Variants in ODF2 observed in about 807,000 individuals in gnomAD.
ODF2 encodes outer dense fiber of sperm tails 2.
ODF2 carries 47 observed loss-of-function variants against 110.2 expected under a neutral mutation model. That is an observed-to-expected ratio of 0.43 (90% CI 0.34 to 0.54). ODF2 has a LOEUF of 0.54. Among genes scored for constraint, ODF2 ranks in the 20% least tolerant of loss-of-function variants. ODF2 has a pLI of 0.03. For synonymous variants in ODF2, 352 were observed against 397.7 expected, an observed-to-expected ratio of 0.89 and a Z score of 1.37; for missense variants, 812 against 1,054.5, an observed-to-expected ratio of 0.77 and a Z score of 3.19.
chr9:128,486,312 T>A (rs1463399369), intron 13 of ODF2, among the ~76,000 whole-genome samples: 3 of 152,192 alleles, frequency 2.0e-5, no homozygotes, highest in Non-Finnish European at 4.4e-5. Flanking sequence ...GCTGCTGTCC[T>A]TAGGGAGTTC....
chr9:128,463,178 C>G (rs1836946461), intron 4 of ODF2, among the ~76,000 whole-genome samples: 1 of 152,198 alleles, frequency 6.6e-6, no homozygotes, highest in Non-Finnish European at 1.5e-5. Context: ...GGGAGGATCA[C>G]TTGAGCCAGG....
intron 14 of ODF2, 25 bp from the exon 15 acceptor site, chr9:128,492,401 G>T (rs1352073528): frequency 6.6e-7 from 1 of 1,523,624 alleles, no homozygotes; most frequent in Non-Finnish European, 9.1e-7. Flanking sequence ...CTTCCTGTGG[G>T]TTACTCATGA....
intron 4 of ODF2, among the ~76,000 whole-genome samples, chr9:128,464,466 T>C (rs1176080911): frequency 6.6e-6 from 1 of 151,902 alleles, no homozygotes; most frequent in African/African-American, 2.4e-5. Context: ...AAAATGCCTT[T>C]TAAAAAAATA....
At chr9:128,487,982 C>G in exon 14 of ODF2, 1 of 1,614,098 alleles carries the variant, frequency 6.2e-7, no homozygotes, top group Non-Finnish European at 8.5e-7. Flanking sequence ...CACCGTCAGA[C>G]TGCTGAGTAT....
chr9:128,464,139 C>G (rs542280627), intron 4 of ODF2, among the ~76,000 whole-genome samples: 20 of 149,140 alleles, frequency 1.3e-4, no homozygotes, highest in South Asian at 4.3e-4. Context: ...GCCACCACCA[C>G]GCACAGCCAA....
At chr9:128,459,210 C>T (rs760418954) in intron 2 of ODF2, among the ~76,000 whole-genome samples, 1 of 152,250 alleles carries the variant, frequency 6.6e-6, no homozygotes, top group Non-Finnish European at 1.5e-5. Context: ...GCTCCAGGCA[C>T]TGTCCTGGGT....
intron 3 of ODF2, chr9:128,460,590 A>G: frequency 6.2e-7 from 1 of 1,613,692 alleles, no homozygotes; most frequent in Non-Finnish European, 8.5e-7. Flanking sequence ...CCCCCCTTAC[A>G]TGTTCACGTG....
At chr9:128,483,255 C>A (rs1178940372) in intron 10 of ODF2, among the ~76,000 whole-genome samples, 1 of 151,980 alleles carries the variant, frequency 6.6e-6, no homozygotes, top group African/African-American at 2.4e-5. Context: ...GGGTTCAAAT[C>A]CTGTCTTTGG....
intron 1 of ODF2, chr9:128,456,654 C>G (rs1834882443): frequency 1.4e-6 from 2 of 1,475,954 alleles, no homozygotes; most frequent in African/African-American, 2.9e-5. Flanking sequence ...GCCCCGACCG[C>G]CTCGTCCTCT....
In ODF2 at chr9:128,485,551, C is replaced by A; in HGVS notation, c.1400+77C>A. ...TGCAGGTGGGAGGGGCCTAGTGGCTCAGGGAAGGCCACGTGGCTGCTGTTT... is the reference window on the plus strand; with the variant it reads ...TGCAGGTGGGAGGGGCCTAGTGGCTAAGGGAAGGCCACGTGGCTGCTGTTT... On this transcript the variant is annotated intron_variant, in intron 13 of 20. Transcript: ENST00000604420. This position sits in a 1 kb window ranked among gnomAD's most constrained non-coding sequence, Gnocchi z 5.0. 1.3e-6 allele frequency: 1 copy of A among 761,128 alleles called. No homozygotes were observed. Among genetic ancestry groups the A allele is most frequent in the Admixed American group, 2.1e-5 (1 of 46,890 alleles). The allele number at this position is 761,128 out of a possible 1,614,324, so 47.1% of individuals were successfully genotyped here.
chr9:128,457,413 C>T lies in ODF2; in HGVS notation c.8C>T (p.Ala3Val), dbSNP rs753552176. 3.1e-6 allele frequency: 5 copies of T among 1,612,894 alleles called. No individual in the cohort carries two copies. In the East Asian group the frequency reaches 6.7e-5, roughly 22 times the overall value. ...CGGCTTTGATGCCTAGCCATGTCTG[C>T]CTCATCCTCAGGCGGCTCCCCCAGG... The change falls in exon 2 of 21, where the codon GCC (alanine) becomes GTC (valine). Residue 3 changes from alanine to valine, a missense_variant. Ala to Val is a moderately conservative substitution (Grantham distance 64). Transcript: ENST00000604420.
At chr9:128,468,805 A>G (rs949423468) in intron 4 of ODF2, among the ~76,000 whole-genome samples, 4 of 152,288 alleles carry the variant, frequency 2.6e-5, no homozygotes, top group African/African-American at 9.6e-5. Flanking sequence ...TGCAGATGTG[A>G]GCCACCATGC....
intron 4 of ODF2, among the ~76,000 whole-genome samples, chr9:128,462,652 T>A (rs1397023382): frequency 6.6e-6 from 1 of 151,248 alleles, no homozygotes; most frequent in African/African-American, 2.4e-5. Context: ...CAGGCTGGAG[T>A]GCAGTGGTGC....
chr9:128,484,607 C>A, intron 11 of ODF2, 94 bp from the exon 12 acceptor site: 1 of 1,359,006 alleles, frequency 7.4e-7, no homozygotes, highest in South Asian at 1.3e-5. Context: ...TTGCTCTTGC[C>A]TTTTCCTCCC....
At chr9:128,495,001 G>A (rs1332178261) in intron 17 of ODF2, among the ~76,000 whole-genome samples, 3 of 152,144 alleles carry the variant, frequency 2.0e-5, no homozygotes, top group Non-Finnish European at 4.4e-5. Flanking sequence ...AGCAGACACC[G>A]AGCCGTAGAA....
chr9:128,473,050 G>A lies in ODF2; in HGVS notation c.711+8G>A. The A allele has an allele frequency of 6.2e-7, 1 of 1,613,246 alleles. No homozygotes were observed. The highest frequency in any genetic ancestry group is 8.5e-7 in the Non-Finnish European group (1 of 1,179,308). On this transcript the variant is annotated splice_region_variant and intron_variant, in intron 7 of 20. Coordinates refer to ENST00000604420, the Ensembl canonical transcript of ODF2. ...ATCGGGAAGCTGAAAACAGTAGGTGGCAGGTGGCAGGACCCCAGCCATGGA... is the reference window on the plus strand; with the variant it reads ...ATCGGGAAGCTGAAAACAGTAGGTGACAGGTGGCAGGACCCCAGCCATGGA...
At chr9:128,471,465 C>T in exon 6 of ODF2, 1 of 1,612,944 alleles carries the variant, frequency 6.2e-7, no homozygotes, top group Admixed American at 1.7e-5. Context: ...AAGGACTTCA[C>T]CATGTAAGGT....
At chr9:128,460,064 C>A (rs572342723) in intron 3 of ODF2, 3 of 1,100,324 alleles carry the variant, frequency 2.7e-6, no homozygotes, top group East Asian at 1.1e-4. Flanking sequence ...TTTCCTTCAG[C>A]TTTCTGTTTT....
chr9:128,468,605 C>T (rs528323376), intron 4 of ODF2, among the ~76,000 whole-genome samples: 2 of 152,288 alleles, frequency 1.3e-5, no homozygotes, highest in South Asian at 4.1e-4. Context: ...TCACTGCAAC[C>T]TCTACCTCCC....
Sources: gnomAD v4.1 joint callset for allele counts (sites outside exome capture counted in the v4.1 genomes callset) on GRCh38, gnomAD v4.1.1 for gene constraint, Gnocchi (gnomAD v3.1) non-coding constraint, MANE v1.5 for transcripts, NCBI Gene and HGNC (gene_info 2026-07-23, HGNC 2026-07-21) for gene names.